The following CPQ variants were observed in gnomAD, a reference collection of about 807,000 sequenced individuals.
CPQ encodes the protein Ser-Met dipeptidase.
A neutral mutation model predicts 45.7 loss-of-function variants in CPQ; 37 were observed. The observed-to-expected ratio is 0.81, with a 90% confidence interval of 0.62 to 1.07. The LOEUF (loss-of-function observed/expected upper bound fraction) is 1.07, where lower values mean the gene tolerates loss of function less well. Ranked by LOEUF, CPQ falls within the 50% of genes least tolerant of loss-of-function variation. The probability of loss-of-function intolerance (pLI) is 0.00; values close to 1 mark genes in which losing one functional copy is unlikely to be tolerated. For missense variants in CPQ, 537 were observed against 572.9 expected, an observed-to-expected ratio of 0.94 and a Z score of 0.64; for synonymous variants, 186 against 205.8, an observed-to-expected ratio of 0.90 and a Z score of 0.82.
At chr8:96,978,613 C>A (rs531180141) in intron 5 of CPQ, among the ~76,000 whole-genome samples, 1 of 152,182 alleles carries the variant, frequency 6.6e-6, no homozygotes, top group Non-Finnish European at 1.5e-5. Flanking sequence ...CCCTTTTCTA[C>A]AGCATGCTTA....
intron 3 of CPQ, among the ~76,000 whole-genome samples, chr8:96,867,869 A>T (rs976067563): frequency 6.6e-6 from 1 of 151,866 alleles, no homozygotes; most frequent in East Asian, 2.0e-4. Flanking sequence ...ATTCATGTTG[A>T]TCTCCTTTCA....
chr8:96,669,880 C>T (rs1808978516), intron 1 of CPQ, among the ~76,000 whole-genome samples: 1 of 152,222 alleles, frequency 6.6e-6, no homozygotes, highest in Non-Finnish European at 1.5e-5. Context: ...TACTAAACTG[C>T]TGTTCCTAGG....
chr8:96,722,183 A>G (rs950641990), intron 1 of CPQ, among the ~76,000 whole-genome samples: 2 of 152,222 alleles, frequency 1.3e-5, no homozygotes, highest in Non-Finnish European at 2.9e-5. Flanking sequence ...ATATTTATTT[A>G]TTGAATGAAT....
At chr8:96,675,588 G>T (rs1470752320) in intron 1 of CPQ, among the ~76,000 whole-genome samples, 1 of 151,946 alleles carries the variant, frequency 6.6e-6, no homozygotes, top group East Asian at 1.9e-4. Context: ...TCTAGAAGAG[G>T]AATATTTATG....
At chr8:96,843,517 T>C (rs1326020305) in intron 3 of CPQ, among the ~76,000 whole-genome samples, 3 of 152,218 alleles carry the variant, frequency 2.0e-5, no homozygotes, top group Non-Finnish European at 4.4e-5. Context: ...GCCATTTAGA[T>C]CTCTGTCTGT....
intron 1 of CPQ, among the ~76,000 whole-genome samples, chr8:96,753,911 TA>T (rs1296233078): frequency 6.6e-6 from 1 of 151,804 alleles, no homozygotes; most frequent in Non-Finnish European, 1.5e-5. Flanking sequence ...TAGTGAGGCT[TA>T]AAAATCAGAA....
intron 5 of CPQ, among the ~76,000 whole-genome samples, chr8:97,022,998 G>GTATA (rs1277109896): frequency 8.5e-5 from 12 of 141,960 alleles, no homozygotes; most frequent in Non-Finnish European, 1.4e-4. Context: ...TATATATACA[G>GTATA]TATATATATA....
chr8:96,929,218 C>T (rs2130917162), intron 4 of CPQ, among the ~76,000 whole-genome samples: 1 of 152,194 alleles, frequency 6.6e-6, no homozygotes, highest in African/African-American at 2.4e-5. Flanking sequence ...CTACAAAGAC[C>T]CTTTCAAAGG....
chr8:96,874,017 A>G (rs908905453), intron 3 of CPQ, among the ~76,000 whole-genome samples: 1 of 151,808 alleles, frequency 6.6e-6, no homozygotes, highest in Non-Finnish European at 1.5e-5. Context: ...CATTTATTTT[A>G]TGTAGATCAA....
chr8:96,768,221 C>T (rs1052837824), intron 1 of CPQ, among the ~76,000 whole-genome samples: 3 of 151,804 alleles, frequency 2.0e-5, no homozygotes, highest in Non-Finnish European at 4.4e-5. Flanking sequence ...TTTTATTTTA[C>T]ATTGACTGAT....
intron 5 of CPQ, among the ~76,000 whole-genome samples, chr8:97,003,387 A>T (rs971051098): frequency 1.3e-5 from 2 of 152,054 alleles, no homozygotes; most frequent in South Asian, 4.1e-4. Context: ...TTGTAGTTCT[A>T]AACCCAAATT....
At chr8:97,125,793 T>C (rs182438563) in intron 7 of CPQ, among the ~76,000 whole-genome samples, 2 of 152,336 alleles carry the variant, frequency 1.3e-5, no homozygotes, top group East Asian at 3.9e-4. Flanking sequence ...GCTTTCCTAC[T>C]ACGATGGGGA....
intron 3 of CPQ, among the ~76,000 whole-genome samples, chr8:96,847,505 T>C (rs1811712036): frequency 6.6e-6 from 1 of 152,208 alleles, no homozygotes; most frequent in Non-Finnish European, 1.5e-5. Context: ...AAATAATTAA[T>C]GTAAAAGTTA....
At chr8:96,665,326 G>C (rs1808905745) in intron 1 of CPQ, among the ~76,000 whole-genome samples, 1 of 152,188 alleles carries the variant, frequency 6.6e-6, no homozygotes, top group East Asian at 1.9e-4. Context: ...CTAAGTGAGA[G>C]AAATAAGGAA....
At chr8:96,816,322 G>A (rs1002503941) in intron 2 of CPQ, among the ~76,000 whole-genome samples, 2 of 152,212 alleles carry the variant, frequency 1.3e-5, no homozygotes, top group East Asian at 1.9e-4. Context: ...CTCCTCATCT[G>A]TTAAAGCTTT....
intron 5 of CPQ, among the ~76,000 whole-genome samples, chr8:96,985,260 A>C (rs1486681220): frequency 1.5e-5 from 2 of 134,706 alleles, no homozygotes; most frequent in Non-Finnish European, 3.1e-5. Context: ...GAGAACTGGG[A>C]GCTCTTATGT....
At chr8:96,719,391 C>T (rs1181423190) in intron 1 of CPQ, among the ~76,000 whole-genome samples, 1 of 152,230 alleles carries the variant, frequency 6.6e-6, no homozygotes, top group Non-Finnish European at 1.5e-5. Context: ...TGCGGGCCCG[C>T]CAAGCCCACG....
At chr8:96,650,944 A>C (rs1815570199) in intron 1 of CPQ, among the ~76,000 whole-genome samples, 1 of 152,210 alleles carries the variant, frequency 6.6e-6, no homozygotes, top group Non-Finnish European at 1.5e-5. Flanking sequence ...TCACTCCTTG[A>C]TATATTATCT....
chr8:97,024,222 A>T (rs1167450565), intron 5 of CPQ, among the ~76,000 whole-genome samples: 1 of 152,034 alleles, frequency 6.6e-6, no homozygotes, highest in Admixed American at 6.5e-5. Context: ...AGTCAGTGTC[A>T]TCCTGACCCA....
Sources: gnomAD v4.1 joint callset for allele counts (sites outside exome capture counted in the v4.1 genomes callset) on GRCh38, gnomAD v4.1.1 for gene constraint, MANE v1.5 for transcripts, NCBI Gene and HGNC (gene_info 2026-07-23, HGNC 2026-07-21) for gene names.